The following UBR2 variants were observed in gnomAD, a reference collection of about 807,000 sequenced individuals.
UBR2 encodes the protein E3 ubiquitin-protein ligase UBR2.
A neutral mutation model predicts 247.9 loss-of-function variants in UBR2; 92 were observed. That is an observed-to-expected ratio of 0.37 (90% CI 0.31 to 0.44). The LOEUF is 0.44. Ranked by LOEUF, UBR2 falls within the 20% of genes least tolerant of loss-of-function variation. UBR2 has a pLI of 1.00. For missense variants in UBR2, 1,613 were observed against 2,112.6 expected (o/e 0.76, Z 4.64); for synonymous variants, 672 against 693.5 (o/e 0.97, Z 0.49).
intron 40 of UBR2, among the ~76,000 whole-genome samples, chr6:42,678,322 C>T (rs573431362): frequency 3.3e-5 from 5 of 151,324 alleles, no homozygotes; most frequent in South Asian, 2.1e-4. Context: ...GGCGACAGAG[C>T]GAGACTCCGT....
At chr6:42,671,279 A>T (rs1384267004) in intron 36 of UBR2, among the ~76,000 whole-genome samples, 1 of 151,690 alleles carries the variant, frequency 6.6e-6, no homozygotes, top group South Asian at 2.1e-4. Context: ...GTGGCGTGGC[A>T]TGTACCTGTG....
chr6:42,602,121 G>C (rs1377827807), intron 4 of UBR2, among the ~76,000 whole-genome samples: 1 of 151,538 alleles, frequency 6.6e-6, no homozygotes, highest in Non-Finnish European at 1.5e-5. Flanking sequence ...CATCCACCTC[G>C]GCCTCCCAAA....
chr6:42,620,014 T>C (rs928969528), intron 11 of UBR2: 1 of 948,426 alleles, frequency 1.1e-6, no homozygotes, highest in African/African-American at 1.8e-5. Context: ...GGAAAACTAC[T>C]GATTTTTATA....
intron 11 of UBR2, among the ~76,000 whole-genome samples, chr6:42,618,034 T>G (rs978296579): frequency 2.2e-4 from 34 of 152,224 alleles, no homozygotes; most frequent in African/African-American, 7.5e-4. Context: ...ATTTAATTTG[T>G]TCAGCAAATT....
chr6:42,583,049 A>G (rs1183511232), intron 2 of UBR2, among the ~76,000 whole-genome samples: 9 of 152,002 alleles, frequency 5.9e-5, no homozygotes, highest in African/African-American at 2.2e-4. Context: ...TTTATTCTGA[A>G]TACAAGTCCT....
At chr6:42,597,770 G>T (rs952149320) in intron 4 of UBR2, among the ~76,000 whole-genome samples, 1 of 151,938 alleles carries the variant, frequency 6.6e-6, no homozygotes, top group East Asian at 1.9e-4. Context: ...TACAAAATTA[G>T]CCGGGCGTGG....
At chr6:42,619,445 A>ATTTTT (rs1368973049) in intron 11 of UBR2, 1 of 31,942 alleles carries the variant, frequency 3.1e-5, no homozygotes, top group Non-Finnish European at 6.0e-5. Flanking sequence ...ATATATATAT[A>ATTTTT]TATATATATT....
In UBR2 at chr6:42,687,161, C is replaced by G. The variant is rs534520262; in HGVS notation, c.4854-1055C>G. On this transcript the variant is annotated intron_variant, in intron 44 of 46. Transcript: ENST00000372901. Reference sequence around the variant, plus strand: ...CTGGGAGGTGGAGGTTGTAGCGAGCCGAGATCGCGCCACTGCACTCCAGCC... The same window carrying G: ...CTGGGAGGTGGAGGTTGTAGCGAGCGGAGATCGCGCCACTGCACTCCAGCC... 3.9e-4 allele frequency among the ~76,000 whole-genome samples: 60 copies of G among 152,288 alleles called. No individual in the cohort carries two copies. In the South Asian group the frequency reaches 8.3e-3, roughly 21 times the overall value.
chr6:42,564,393 C>T lies in UBR2; in HGVS notation c.74C>T (p.Ala25Val). The change falls in exon 1 of 47, where the codon GCG (alanine) becomes GTG (valine). Residue 25 changes from alanine to valine, a missense_variant. This residue lies in a region of UBR2 where 1,524 missense variants were observed against 1,967.3 expected (regional missense o/e 0.77). Transcript: ENST00000372901. The part of the protein sequence containing the change: ...SLLECSAEEI[A>V]GKWLQATDLT... ...CTGGAATGTTCGGCCGAGGAGATTGCGGGGGTGAGTGCCGGAACCCGGGCG... is the reference window on the plus strand; with the variant it reads ...CTGGAATGTTCGGCCGAGGAGATTGTGGGGGTGAGTGCCGGAACCCGGGCG... 2 of 1,608,954 alleles carry T rather than the reference C, an allele frequency of 1.2e-6. No individual in the cohort carries two copies. Among genetic ancestry groups the T allele is most frequent in the Non-Finnish European group, 1.7e-6 (2 of 1,177,966 alleles).
rs774925925 is a variant in UBR2 at position 42,571,242 on chromosome 6, CAAAAAAAAAAAAA to C, written c.79-2480_79-2468del. ...TGGGTGACAGAGCAAGACTCCGTCTCAAAAAAAAAAAAAAAAAAAAAAAAGCATCCCTTCTAAA... is the reference window on the plus strand; with the variant it reads ...TGGGTGACAGAGCAAGACTCCGTCTCAAAAAAAAAAAGCATCCCTTCTAAA... On this transcript the variant is annotated intron_variant, in intron 1 of 46. Transcript: ENST00000372901. Among the ~76,000 whole-genome samples the C allele has an allele frequency of 4.2e-3, 166 of 39,156 alleles. 1 individual carries two copies. The East Asian group carries it at 0.097, about 23-fold the overall frequency. 25.7% of individuals were successfully genotyped at this position (39,156 alleles called of 152,430 possible).
In UBR2 at chr6:42,640,407, TGTGTGTGTGTG is replaced by T. The variant is rs1405227233; in HGVS notation, c.1920+138_1920+148del. The T allele has an allele frequency of 5.7e-4, 291 of 511,006 alleles. 3 individuals carry two copies. The East Asian group carries it at 1.0e-2, about 18-fold the overall frequency. The allele number at this position is 511,006 out of a possible 1,614,324, so 31.7% of individuals were successfully genotyped here. A position where few individuals can be genotyped will look rare whatever the true frequency, so the allele number is the denominator to read the frequency against. On this transcript the variant is annotated intron_variant, in intron 16 of 46. Transcript: ENST00000372901. ...AGGTGTGTGTGTGTGTGTGTGTGTG[TGTGTGTGTGTG>T]TGTGTGTGTGTGTGTGTATAGATAC...
intron 7 of UBR2, among the ~76,000 whole-genome samples, chr6:42,609,713 C>T (rs1349658154): frequency 6.6e-6 from 1 of 150,998 alleles, no homozygotes; most frequent in Non-Finnish European, 1.5e-5. Context: ...GGCAAAATCC[C>T]ATTCCTACAA....
chr6:42,655,585 A>T, intron 25 of UBR2, 36 bp from the exon 26 acceptor site: 1 of 1,306,930 alleles, frequency 7.7e-7, no homozygotes, highest in Non-Finnish European at 1.0e-6. Flanking sequence ...TTGATTTTTT[A>T]AATTTTTACT....
chr6:42,635,632 G>A (rs1438436991), intron 14 of UBR2, 86 bp downstream of exon 14: 1 of 1,470,030 alleles, frequency 6.8e-7, no homozygotes, highest in East Asian at 2.3e-5. Flanking sequence ...AAGGAGATCT[G>A]GAGAAAATAG....
At chr6:42,652,248 A>G (rs879503147) in intron 24 of UBR2, among the ~76,000 whole-genome samples, 177 bp downstream of exon 24, 1 of 152,192 alleles carries the variant, frequency 6.6e-6, no homozygotes, top group Non-Finnish European at 1.5e-5. Flanking sequence ...AGTTTGTGCT[A>G]AGTCCTCTGG....
Position 42,691,035 on chromosome 6 carries a change from G to T in UBR2, c.5130G>T (p.Arg1710=), listed in dbSNP as rs952138241. The T allele has an allele frequency of 5.0e-6, 8 of 1,613,784 alleles. No homozygotes were observed. Among genetic ancestry groups the T allele is most frequent in the Non-Finnish European group, 5.9e-6 (7 of 1,180,012 alleles). The change falls in exon 47 of 47, where the codon CGG becomes CGT. Residue 1710 remains arginine, a synonymous_variant. Coordinates refer to ENST00000372901, the MANE Select transcript of UBR2 (RefSeq NM_001363705.2). The part of the protein sequence containing the change: ...DYGETDQGLR[R]GNPLHLCKER... ...GACATGTGTCTTCTCTTTCTAGACG[G>T]GGAAATCCTTTACATTTATGCAAAG...
rs539094896 is a variant in UBR2, at chr6:42,630,810, TTTTTTTG to T, written c.1282-1729_1282-1723del. 4.9e-3 allele frequency among the ~76,000 whole-genome samples: 751 copies of T among 152,100 alleles called. 2 individuals carry two copies. The highest frequency in any genetic ancestry group is 7.0e-3 in the Non-Finnish European group (473 of 67,992). ...CATTTTTGTTTCTGCTTATTTGGGG[TTTTTTTG>T]TTTTTTGTTTTTAAGACAGGGTCTC... On this transcript the variant is annotated intron_variant, in intron 11 of 46. Transcript: ENST00000372901.
chr6:42,654,559 T>C (rs1797326634), intron 25 of UBR2, among the ~76,000 whole-genome samples: 1 of 152,136 alleles, frequency 6.6e-6, no homozygotes, highest in African/African-American at 2.4e-5. Context: ...ACCCCATCTC[T>C]ACTAAAAATA....
chr6:42,615,081 C>T lies in UBR2; in HGVS notation c.996C>T (p.Arg332=). ...TCCTTCTATTTAAAGATGGCCTTCG[C>T]CGGATTTTATGTCAAGTTGGTTTAC... ...GSIIGYSDGL[R]RILCQVGLQE... Residue 332 remains arginine, a synonymous_variant, in exon 9 of 47, where the codon CGC becomes CGT. Transcript: ENST00000372901. 6.2e-7 allele frequency: 1 copy of T among 1,612,776 alleles called. No individual in the cohort carries two copies. Among genetic ancestry groups the T allele is most frequent in the Non-Finnish European group, 8.5e-7 (1 of 1,179,476 alleles).
Sources: allele counts gnomAD v4.1 joint callset (sites outside exome capture counted in the v4.1 genomes callset), GRCh38; gene constraint gnomAD v4.1.1; regional missense constraint gnomAD v4.1.1; transcripts MANE v1.5; gene names NCBI Gene and HGNC (gene_info 2026-07-23, HGNC 2026-07-21).